The following DMD variants were observed in gnomAD, a reference collection of about 807,000 sequenced individuals.
DMD encodes the protein mutant dystrophin.
Under a neutral mutation model 330.1 loss-of-function variants are expected in DMD, and 63 were observed. The ratio of observed to expected loss-of-function variants is 0.19; its 90% CI spans 0.16 to 0.24. The LOEUF (loss-of-function observed/expected upper bound fraction) is 0.24, where lower values mean the gene tolerates loss of function less well. Among genes scored for constraint, DMD ranks in the 10% least tolerant of loss-of-function variants. The pLI, the probability that DMD is intolerant of heterozygous loss-of-function variation, is 1.00. For missense variants in DMD, 3,344 were observed against 2,684.1 expected, an observed-to-expected ratio of 1.25 and a Z score of -5.43; for synonymous variants, 1,223 against 959.8, an observed-to-expected ratio of 1.27 and a Z score of -5.07.
At chrX:33,066,696 C>A (rs965405615) in intron 1 of DMD, among the ~76,000 whole-genome samples, 1 of 110,325 alleles carries the variant, frequency 9.1e-6, no homozygotes, top group Non-Finnish European at 1.9e-5. Context: ...TAAAGTTCTG[C>A]CAGGTTTATG....
intron 63 of DMD, among the ~76,000 whole-genome samples, chrX:31,249,661 T>A (rs1168148510): frequency 9.0e-6 from 1 of 111,496 alleles, no homozygotes; most frequent in Non-Finnish European, 1.9e-5. Flanking sequence ...GTGATCTTTA[T>A]CACCTTGGTT....
chrX:32,996,147 A>C (rs1272169518), intron 2 of DMD, among the ~76,000 whole-genome samples: 3 of 111,837 alleles, frequency 2.7e-5, no homozygotes, highest in Non-Finnish European at 5.6e-5. Context: ...ACCCACACTG[A>C]TTTAAGCAAA....
At chrX:32,091,373 TAAA>T (rs1449982323) in intron 44 of DMD, among the ~76,000 whole-genome samples, 1 of 112,000 alleles carries the variant, frequency 8.9e-6, no homozygotes, top group Non-Finnish European at 1.9e-5. Context: ...ACATGACTGA[TAAA>T]AAAGCATGGC....
chrX:32,935,860 T>G (rs2146749377), intron 2 of DMD, among the ~76,000 whole-genome samples: 1 of 111,558 alleles, frequency 9.0e-6, no homozygotes, highest in Admixed American at 9.6e-5. Context: ...CTCACCTTCC[T>G]TTTTCATCCT....
chrX:32,557,149 A>C (rs1401311019), intron 16 of DMD, among the ~76,000 whole-genome samples: 1 of 111,432 alleles, frequency 9.0e-6, no homozygotes, highest in Non-Finnish European at 1.9e-5. Context: ...GATGAAAGTG[A>C]CCTTGTTGAG....
At chrX:33,047,149 G>A (rs138052843) in intron 1 of DMD, among the ~76,000 whole-genome samples, 215 of 111,771 alleles carry the variant, frequency 1.9e-3, no homozygotes, top group Middle Eastern at 4.6e-3. Flanking sequence ...TGCAGTAGAT[G>A]AGCACAAATT....
intron 44 of DMD, among the ~76,000 whole-genome samples, chrX:31,971,548 G>A (rs932916724): frequency 9.0e-6 from 1 of 111,141 alleles, no homozygotes; most frequent in African/African-American, 3.3e-5. Context: ...GTATGAGAAG[G>A]TTTTGCAACC....
At chrX:32,790,936 G>A (rs1351518860) in intron 7 of DMD, among the ~76,000 whole-genome samples, 1 of 111,202 alleles carries the variant, frequency 9.0e-6, no homozygotes. Flanking sequence ...GTGGTTGCAT[G>A]CACCACCAGG....
chrX:31,609,630 G>A (rs753411059), intron 55 of DMD, among the ~76,000 whole-genome samples: 2 of 111,930 alleles, frequency 1.8e-5, no homozygotes, highest in African/African-American at 3.2e-5. Flanking sequence ...TTTGTAAATA[G>A]AAAAGTAAAA....
chrX:31,850,329 T>A (rs1202174131), intron 48 of DMD, among the ~76,000 whole-genome samples: 1 of 112,487 alleles, frequency 8.9e-6, no homozygotes, highest in Non-Finnish European at 1.9e-5. Context: ...GGTGTTGAAA[T>A]ACTAAAAAAT....
chrX:32,568,273 G>C (rs1327778980), intron 15 of DMD, among the ~76,000 whole-genome samples: 1 of 111,682 alleles, frequency 9.0e-6, no homozygotes, highest in Non-Finnish European at 1.9e-5. Flanking sequence ...ACTTTGGGAG[G>C]CTGAGGCGGG....
In DMD at chrX:32,348,420, A is replaced by C. The variant is rs2097771109; in HGVS notation, c.5434T>G (p.Phe1812Val). Residue 1812 changes from phenylalanine (F) to valine (V), a missense_variant, in exon 38 of 79, where the codon TTC (phenylalanine) becomes GTC (valine). Transcript: ENST00000357033. ...AACCAATTTACCATATCTTTATTGA[A>C]GTCTTCCTCTTTCAGATTCACCCCC... ...QQGVNLKEED[F>V]NKDMNEDNEG... 8.3e-7 allele frequency: 1 copy of C among 1,208,538 alleles called. No homozygotes were observed. The highest frequency in any genetic ancestry group is 1.1e-6 in the Non-Finnish European group (1 of 893,261).
At chrX:32,979,125 T>C (rs766760682) in intron 2 of DMD, among the ~76,000 whole-genome samples, 8 of 112,187 alleles carry the variant, frequency 7.1e-5, no homozygotes, top group Non-Finnish European at 1.5e-4. Context: ...ACTCTGACAA[T>C]GGGGTCTTAT....
At chrX:32,213,562 G>T (rs1377739070) in intron 44 of DMD, among the ~76,000 whole-genome samples, 1 of 111,939 alleles carries the variant, frequency 8.9e-6, no homozygotes, top group African/African-American at 3.2e-5. Context: ...TGTTTGGGGG[G>T]TTTGTGATAT....
At chrX:33,034,577 T>C (rs989196388) in intron 1 of DMD, among the ~76,000 whole-genome samples, 4 of 112,346 alleles carry the variant, frequency 3.6e-5, no homozygotes, top group African/African-American at 1.3e-4. Context: ...GGAATACAAT[T>C]TCCTCAACTT....
chrX:31,783,013 G>C (rs1289535012), intron 50 of DMD, among the ~76,000 whole-genome samples: 1 of 111,739 alleles, frequency 8.9e-6, no homozygotes, highest in Admixed American at 9.5e-5. Context: ...CAGTGCAGAA[G>C]ACAAGGGAAG....
chrX:33,075,549 T>G (rs1315851212), intron 1 of DMD, among the ~76,000 whole-genome samples: 1 of 112,399 alleles, frequency 8.9e-6, no homozygotes, highest in Non-Finnish European at 1.9e-5. Flanking sequence ...TAAGTTCCTT[T>G]TTGAAATAAG....
intron 1 of DMD, among the ~76,000 whole-genome samples, chrX:33,230,983 T>C (rs1434446782): frequency 3.6e-5 from 4 of 111,089 alleles, no homozygotes; most frequent in Non-Finnish European, 7.5e-5. Flanking sequence ...TAAATAACAG[T>C]TGGAATCAGG....
intron 62 of DMD, among the ~76,000 whole-genome samples, chrX:31,286,948 T>C (rs766981925): frequency 1.8e-5 from 2 of 112,272 alleles, no homozygotes; most frequent in African/African-American, 6.5e-5. Flanking sequence ...GTATTTTTAG[T>C]AGAGACAGGT....
Sources: allele counts gnomAD v4.1 joint callset (sites outside exome capture counted in the v4.1 genomes callset), GRCh38; gene constraint gnomAD v4.1.1; transcripts MANE v1.5; gene names NCBI Gene and HGNC (gene_info 2026-07-23, HGNC 2026-07-21).